Variants in ROBO2 observed in about 807,000 individuals in gnomAD.
The protein encoded by ROBO2 is roundabout homolog 2.
ROBO2 carries 53 observed loss-of-function variants against 160.8 expected under a neutral mutation model. The ratio of observed to expected loss-of-function variants is 0.33; its 90% CI spans 0.26 to 0.41. The LOEUF (loss-of-function observed/expected upper bound fraction) is 0.41. Among genes scored for constraint, ROBO2 ranks in the 10% least tolerant of loss-of-function variants. The probability of loss-of-function intolerance (pLI) is 1.00; values close to 1 mark genes in which losing one functional copy is unlikely to be tolerated. For missense variants in ROBO2, 1,577 were observed against 1,722.4 expected, an observed-to-expected ratio of 0.92 and a Z score of 1.49; for synonymous variants, 664 against 611.7, an observed-to-expected ratio of 1.09 and a Z score of -1.26.
At chr3:77,184,946 C>T (rs540425455) in intron 2 of ROBO2, among the ~76,000 whole-genome samples, 2 of 152,112 alleles carry the variant, frequency 1.3e-5, no homozygotes, top group South Asian at 2.1e-4. Context: ...CATGTAGTAG[C>T]TTACAGAACT....
At chr3:77,627,420 C>T (rs1425968225) in intron 23 of ROBO2, among the ~76,000 whole-genome samples, 2 of 152,006 alleles carry the variant, frequency 1.3e-5, no homozygotes, top group African/African-American at 4.8e-5. Context: ...GCTGGGATTG[C>T]AGGCTCGGGC....
At position 75,967,375 on chromosome 3, in the gene ROBO2, C is replaced by T. The variant is rs139381961; in HGVS notation, c.109+29773C>T. On this transcript the variant is annotated intron_variant, in intron 2 of 26. Coordinates refer to the ROBO2 transcript ENST00000487694. ...ACTCAGTTCAAATATATTGACTTCA[C>T]TACTAAAAGTGTATAAGTCAACTTT... Among the ~76,000 whole-genome samples the T allele has an allele frequency of 1.8e-3, 274 of 151,638 alleles. 2 individuals carry two copies. The highest frequency in any genetic ancestry group is 6.3e-3 in the African/African-American group (261 of 41,474).
intron 2 of ROBO2, among the ~76,000 whole-genome samples, chr3:76,355,638 G>A (rs2075116428): frequency 6.6e-6 from 1 of 151,704 alleles, no homozygotes; most frequent in Non-Finnish European, 1.5e-5. Context: ...TTACTTCACT[G>A]ACAACACCTG....
chr3:77,140,648 A>G (rs1560095153), intron 2 of ROBO2, among the ~76,000 whole-genome samples: 1 of 152,150 alleles, frequency 6.6e-6, no homozygotes, highest in Non-Finnish European at 1.5e-5. Context: ...CCATCTATCA[A>G]CATGTTACCT....
chr3:76,325,732 A>G lies in ROBO2; in HGVS notation c.109+388130A>G, dbSNP rs539978725. Among the ~76,000 whole-genome samples, 7 of 152,128 alleles carry G rather than the reference A, an allele frequency of 4.6e-5. No individual in the cohort carries two copies. In the East Asian group the frequency reaches 1.4e-3, roughly 29 times the overall value. On this transcript the variant is annotated intron_variant, in intron 2 of 26. Coordinates refer to the ROBO2 transcript ENST00000487694. ...AGGCCAAATTAAAAAAAAAAACAAC[A>G]ACCCTGTTTTGATATTGTTAATAGT...
At chr3:76,985,063 T>C (rs1287730825) in intron 2 of ROBO2, among the ~76,000 whole-genome samples, 1 of 152,110 alleles carries the variant, frequency 6.6e-6, no homozygotes, top group Admixed American at 6.5e-5. Context: ...ATAATCTTAG[T>C]TTGTGTAGAA....
intron 2 of ROBO2, among the ~76,000 whole-genome samples, chr3:76,318,409 A>G (rs1488918988): frequency 6.6e-6 from 1 of 152,108 alleles, no homozygotes; most frequent in East Asian, 1.9e-4. Flanking sequence ...TTGTGTGTAT[A>G]TATCTATCAG....
At chr3:77,095,780 T>C (rs1299606713) in intron 1 of ROBO2, among the ~76,000 whole-genome samples, 1 of 152,228 alleles carries the variant, frequency 6.6e-6, no homozygotes, top group Non-Finnish European at 1.5e-5. Flanking sequence ...TTCTTGATTA[T>C]GAATTTAAAA....
chr3:77,124,092 A>G (rs1041306117), intron 2 of ROBO2, among the ~76,000 whole-genome samples: 1 of 152,028 alleles, frequency 6.6e-6, no homozygotes, highest in Non-Finnish European at 1.5e-5. Context: ...TGGAAATCCC[A>G]GTGCCCAGTG....
chr3:77,100,591 T>G (rs75115734), intron 2 of ROBO2, among the ~76,000 whole-genome samples: 1 of 151,918 alleles, frequency 6.6e-6, no homozygotes, highest in African/African-American at 2.4e-5. Flanking sequence ...ACATAAATAC[T>G]CATTGTGGTG....
chr3:76,107,078 C>T (rs2069971611), intron 2 of ROBO2, among the ~76,000 whole-genome samples: 1 of 152,050 alleles, frequency 6.6e-6, no homozygotes, highest in Non-Finnish European at 1.5e-5. Context: ...CTTTCTGCAT[C>T]ACATTTGTAT....
chr3:76,057,563 C>T (rs187954191), intron 2 of ROBO2, among the ~76,000 whole-genome samples: 1 of 152,160 alleles, frequency 6.6e-6, no homozygotes, highest in Non-Finnish European at 1.5e-5. Flanking sequence ...ACATAGTAAG[C>T]TTCCAGGGTG....
intron 2 of ROBO2, among the ~76,000 whole-genome samples, chr3:76,797,474 T>C (rs1019664044): frequency 1.3e-5 from 2 of 151,690 alleles, no homozygotes; most frequent in African/African-American, 2.4e-5. Flanking sequence ...TGAGCACCTA[T>C]ATAAAAAAGT....
At chr3:75,994,832 A>C (rs1193831100) in intron 2 of ROBO2, among the ~76,000 whole-genome samples, 3 of 152,192 alleles carry the variant, frequency 2.0e-5, no homozygotes, top group Non-Finnish European at 4.4e-5. Context: ...GACTTGTTGA[A>C]TGGCTTTGTC....
At chr3:77,569,881 G>A (rs2093594474) in intron 13 of ROBO2, among the ~76,000 whole-genome samples, 1 of 151,930 alleles carries the variant, frequency 6.6e-6, no homozygotes, top group Non-Finnish European at 1.5e-5. Flanking sequence ...GAGTAATTAT[G>A]ATTATTTAGG....
chr3:77,636,428 C>T (rs186781732), intron 24 of ROBO2, among the ~76,000 whole-genome samples: 1 of 152,038 alleles, frequency 6.6e-6, no homozygotes, highest in African/African-American at 2.4e-5. Context: ...CCCCTCTCTA[C>T]TAAAAGTACA....
At chr3:77,526,592 A>G (rs1165279778) in intron 6 of ROBO2, among the ~76,000 whole-genome samples, 1 of 151,564 alleles carries the variant, frequency 6.6e-6, no homozygotes, top group Non-Finnish European at 1.5e-5. Flanking sequence ...TTCATTTTTA[A>G]AAAAGGATTA....
intron 2 of ROBO2, among the ~76,000 whole-genome samples, chr3:76,898,166 A>G (rs13320269): frequency 0.43 from 64,894 of 151,838 alleles, 14,368 homozygotes; most frequent in South Asian, 0.53. Flanking sequence ...TGAAATTATT[A>G]CATCTCATGG....
chr3:77,296,505 G>C (rs1651947626), intron 2 of ROBO2, among the ~76,000 whole-genome samples: 2 of 152,072 alleles, frequency 1.3e-5, no homozygotes, highest in Non-Finnish European at 2.9e-5. Context: ...TGTTTGTCTT[G>C]TTTTCTTTTG....
Sources: allele counts gnomAD v4.1 joint callset (sites outside exome capture counted in the v4.1 genomes callset), GRCh38; gene constraint gnomAD v4.1.1; transcripts MANE v1.5; gene names NCBI Gene and HGNC (gene_info 2026-07-23, HGNC 2026-07-21).